CEMIP: variants seen among roughly 807,000 people sequenced by gnomAD.
The protein encoded by CEMIP is cell migration-inducing and hyaluronan-binding protein.
CEMIP carries 105 observed loss-of-function variants against 156.9 expected under a neutral mutation model. The observed-to-expected ratio is 0.67, with a 90% confidence interval of 0.57 to 0.79. The LOEUF is 0.79. CEMIP is among the 30% of genes least tolerant of loss of function. The probability of loss-of-function intolerance (pLI) is 0.00; values close to 1 mark genes in which losing one functional copy is unlikely to be tolerated. For synonymous variants in CEMIP, 676 were observed against 668.4 expected (o/e 1.01, Z -0.17); for missense variants, 1,457 against 1,769.4 (o/e 0.82, Z 3.17).
chr15:80,943,681 A>G (rs1901429044), intron 28 of CEMIP, among the ~76,000 whole-genome samples: 2 of 151,964 alleles, frequency 1.3e-5, no homozygotes, highest in African/African-American at 4.8e-5. Context: ...TGCTATCATC[A>G]CACCCTATCA....
Position 80,909,081 on chromosome 15 carries a change from G to A in CEMIP, c.1588-16G>A, listed in dbSNP as rs367612381. On this transcript the variant is annotated splice_polypyrimidine_tract_variant and intron_variant, in intron 13 of 29. Transcript: ENST00000394685. ...CATCTCATGGGCTCCTCTGACTCTC[G>A]GTTCTCCTCTCCTAGTTTGCTCTGG... The A allele has an allele frequency of 4.1e-5, 66 of 1,612,662 alleles. No homozygotes were observed. Among genetic ancestry groups the A allele is most frequent in the East Asian group, 3.3e-4 (15 of 44,878 alleles).
intron 25 of CEMIP, among the ~76,000 whole-genome samples, chr15:80,940,670 G>A (rs1901301065): frequency 1.3e-5 from 2 of 152,326 alleles, no homozygotes; most frequent in Admixed American, 1.3e-4. Context: ...GCCTCTCAAG[G>A]AAGCTCAGAT....
intron 1 of CEMIP, among the ~76,000 whole-genome samples, chr15:80,787,463 C>T (rs554621875): frequency 3.5e-4 from 54 of 152,326 alleles, no homozygotes; most frequent in Non-Finnish European, 7.5e-4. Context: ...TGGACAGTGT[C>T]AAAGAAGGCT....
At chr15:80,858,105 G>C (rs1897896399) in intron 1 of CEMIP, among the ~76,000 whole-genome samples, 1 of 152,154 alleles carries the variant, frequency 6.6e-6, no homozygotes, top group Non-Finnish European at 1.5e-5. Flanking sequence ...CTTCATTCTT[G>C]GTGTGATGGG....
chr15:80,786,147 G>C (rs1567046908), intron 1 of CEMIP, among the ~76,000 whole-genome samples: 1 of 152,166 alleles, frequency 6.6e-6, no homozygotes, highest in Non-Finnish European at 1.5e-5. Context: ...AGCACACTCT[G>C]AAAACTTCGG....
chr15:80,896,114 C>A, intron 12 of CEMIP, 54 bp downstream of exon 12: 1 of 1,555,784 alleles, frequency 6.4e-7, no homozygotes, highest in Non-Finnish European at 8.9e-7. Context: ...AATTGTTAGG[C>A]TTAAAGTAAA....
chr15:80,814,043 C>CTT (rs778309859), intron 1 of CEMIP, among the ~76,000 whole-genome samples: 2,717 of 73,742 alleles, frequency 0.037, 240 homozygotes, highest in African/African-American at 0.097. Context: ...AACTCTTTGG[C>CTT]TTTTTTTTTT....
chr15:80,923,723 A>C (rs955815005), intron 17 of CEMIP, among the ~76,000 whole-genome samples: 10 of 152,154 alleles, frequency 6.6e-5, no homozygotes, highest in Non-Finnish European at 1.3e-4. Flanking sequence ...CCACATCCAC[A>C]GTGAGAGGGA....
chr15:80,904,616 G>A (rs755446460), intron 12 of CEMIP, among the ~76,000 whole-genome samples: 141 of 152,328 alleles, frequency 9.3e-4, no homozygotes, highest in Non-Finnish European at 8.4e-4. Context: ...GTCAGAGTCA[G>A]AAGAAAGTGA....
intron 1 of CEMIP, among the ~76,000 whole-genome samples, chr15:80,822,069 T>A (rs372315580): frequency 7.2e-5 from 11 of 152,376 alleles, no homozygotes; most frequent in African/African-American, 2.6e-4. Context: ...TGTGCCAATG[T>A]GTCCCAGTGT....
chr15:80,884,807 G>A (rs895377078), intron 7 of CEMIP, among the ~76,000 whole-genome samples: 4 of 152,218 alleles, frequency 2.6e-5, no homozygotes, highest in African/African-American at 9.6e-5. Context: ...TCTAATATGT[G>A]TTTTGTTTGC....
intron 1 of CEMIP, among the ~76,000 whole-genome samples, chr15:80,825,740 T>C (rs1035171339): frequency 3.3e-5 from 5 of 152,198 alleles, no homozygotes; most frequent in African/African-American, 1.2e-4. Flanking sequence ...CTCTCAGATA[T>C]CATTCAGGGC....
intron 1 of CEMIP, among the ~76,000 whole-genome samples, chr15:80,838,474 A>C (rs1897314818): frequency 6.6e-6 from 1 of 152,120 alleles, no homozygotes; most frequent in Non-Finnish European, 1.5e-5. Context: ...TGGGTCCTGC[A>C]TCATTCCCTT....
chr15:80,948,811 G>C lies in CEMIP; in HGVS notation c.3973G>C (p.Val1325Leu), dbSNP rs368272610. ...GLKLKEQMAF[V>L]GFKGSFRPIW... ...TTGCTTTTCAGAGCAAATGGCATTCGTTGGCTTCAAAGGCAGCTTCCGGCC... is the reference window on the plus strand; with the variant it reads ...TTGCTTTTCAGAGCAAATGGCATTCCTTGGCTTCAAAGGCAGCTTCCGGCC... The change falls in exon 30 of 30, where the codon GTT becomes CTT. Residue 1325 changes from valine to leucine, a missense_variant. By Grantham distance (32) the Val-to-Leu change is conservative (BLOSUM62 1). Transcript: ENST00000394685. 1 of 1,614,084 alleles carries C rather than the reference G, an allele frequency of 6.2e-7. No individual in the cohort carries two copies. Among genetic ancestry groups the C allele is most frequent in the Non-Finnish European group, 8.5e-7 (1 of 1,180,060 alleles).
At position 80,929,082 on chromosome 15, in the gene CEMIP, C is replaced by T. The variant is rs76271429; in HGVS notation, c.2520C>T (p.Gly840=). Residue 840 remains glycine, a synonymous_variant, in exon 21 of 30, where the codon GGC becomes GGT. Transcript: ENST00000394685. ...KQEIKNSLFV[G]ESGNVGTEMM... is the part of the protein sequence containing the mutation. ...AGATAAAGAACAGCTTGTTTGTTGG[C>T]GAGAGTGGCAACGTGGGGACGGAAA... 4,556 of 1,614,162 alleles carry T rather than the reference C, an allele frequency of 2.8e-3. 14 individuals carry two copies. The highest frequency in any genetic ancestry group is 3.1e-3 in the Non-Finnish European group (3,683 of 1,180,028).
At chr15:80,794,236 G>A (rs1896158191) in intron 1 of CEMIP, among the ~76,000 whole-genome samples, 1 of 152,198 alleles carries the variant, frequency 6.6e-6, no homozygotes, top group Non-Finnish European at 1.5e-5. Context: ...CAAAATAACA[G>A]TGAGCTTACA....
At chr15:80,879,035 A>G (rs539800692) in intron 4 of CEMIP, among the ~76,000 whole-genome samples, 168 bp downstream of exon 4, 2 of 152,326 alleles carry the variant, frequency 1.3e-5, no homozygotes, top group South Asian at 4.1e-4. Context: ...GCTGTTAGGA[A>G]TGGCTTGTCG....
intron 17 of CEMIP, among the ~76,000 whole-genome samples, chr15:80,924,304 A>G (rs1301124597): frequency 2.6e-5 from 4 of 152,338 alleles, no homozygotes; most frequent in Middle Eastern, 3.4e-3. Flanking sequence ...GGCCTGGGCT[A>G]ATAACTATCT....
intron 1 of CEMIP, among the ~76,000 whole-genome samples, chr15:80,827,144 G>A (rs1044754641): frequency 1.3e-5 from 2 of 152,166 alleles, no homozygotes; most frequent in Non-Finnish European, 2.9e-5. Context: ...CTCACCTGGG[G>A]ATAGGTGACG....
Sources: allele counts gnomAD v4.1 joint callset (sites outside exome capture counted in the v4.1 genomes callset), GRCh38; gene constraint gnomAD v4.1.1; transcripts MANE v1.5; gene names NCBI Gene and HGNC (gene_info 2026-07-23, HGNC 2026-07-21).